The following AP3S1 variants were observed in gnomAD, a reference collection of about 807,000 sequenced individuals.
AP3S1 encodes AP-3 complex subunit sigma-1.
AP3S1 carries 12 observed loss-of-function variants against 21.3 expected under a neutral mutation model. That is an observed-to-expected ratio of 0.56 (90% CI 0.36 to 0.91). AP3S1 has a LOEUF of 0.91. Ranked by LOEUF, AP3S1 falls within the 40% of genes least tolerant of loss-of-function variation. The pLI, the probability that AP3S1 is intolerant of heterozygous loss-of-function variation, is 0.01. For synonymous variants in AP3S1, 48 were observed against 78.4 expected (o/e 0.61, Z 2.05); for missense variants, 116 against 225.0 (o/e 0.52, Z 3.10).
intron 3 of AP3S1, among the ~76,000 whole-genome samples, chr5:115,893,329 T>C (rs562058408): frequency 9.8e-5 from 15 of 152,310 alleles, no homozygotes; most frequent in African/African-American, 3.4e-4. Context: ...TAAGTGGATG[T>C]AGCATATAGA....
intron 3 of AP3S1, among the ~76,000 whole-genome samples, chr5:115,875,072 C>G (rs1748582725): frequency 6.6e-6 from 1 of 152,072 alleles, no homozygotes; most frequent in African/African-American, 2.4e-5. Flanking sequence ...AACATTATCA[C>G]TAAAGCATAT....
chr5:115,867,254 ATTC>A (rs772914714), intron 2 of AP3S1, among the ~76,000 whole-genome samples: 15 of 152,288 alleles, frequency 9.8e-5, no homozygotes, highest in Non-Finnish European at 1.8e-4. Flanking sequence ...GGACAAGCTT[ATTC>A]TTTTTAATGA....
intron 5 of AP3S1, chr5:115,907,158 C>A: frequency 4.0e-6 from 1 of 252,544 alleles, no homozygotes; most frequent in Non-Finnish European, 6.2e-6. Context: ...ATTGCATTTG[C>A]AGAAGTGACA....
chr5:115,865,358 T>C (rs1189114639), intron 1 of AP3S1, among the ~76,000 whole-genome samples: 7 of 152,182 alleles, frequency 4.6e-5, no homozygotes, highest in South Asian at 2.1e-4. Context: ...GAGTGAAAAC[T>C]TATGCATAGA....
intron 1 of AP3S1, among the ~76,000 whole-genome samples, chr5:115,852,497 T>A (rs984697589): frequency 1.3e-5 from 2 of 152,122 alleles, no homozygotes; most frequent in Non-Finnish European, 2.9e-5. Context: ...ATTCACCCAT[T>A]TAAAGTATAT....
intron 3 of AP3S1, among the ~76,000 whole-genome samples, chr5:115,883,343 G>T (rs910258697): frequency 6.6e-6 from 1 of 152,180 alleles, no homozygotes; most frequent in Admixed American, 6.5e-5. Flanking sequence ...ATAGGCACCC[G>T]AGGGAATCTC....
intron 4 of AP3S1, among the ~76,000 whole-genome samples, chr5:115,901,172 C>T (rs1039673437): frequency 3.3e-5 from 5 of 152,002 alleles, no homozygotes; most frequent in East Asian, 1.9e-4. Context: ...TGCAGAACTG[C>T]GAAAATTAAT....
intron 1 of AP3S1, among the ~76,000 whole-genome samples, chr5:115,851,328 A>G (rs987334001): frequency 4.6e-5 from 7 of 152,180 alleles, no homozygotes; most frequent in African/African-American, 1.2e-4. Context: ...TTTACTTTTT[A>G]TAGGTACATA....
chr5:115,843,950 A>G (rs1761860246), intron 1 of AP3S1, among the ~76,000 whole-genome samples: 1 of 152,194 alleles, frequency 6.6e-6, no homozygotes, highest in Non-Finnish European at 1.5e-5. Context: ...ATTTTTGGCC[A>G]TTGTATGAGT....
At chr5:115,869,701 C>G (rs1359336086) in intron 2 of AP3S1, among the ~76,000 whole-genome samples, 1 of 151,438 alleles carries the variant, frequency 6.6e-6, no homozygotes, top group Non-Finnish European at 1.5e-5. Flanking sequence ...ACACTTGCCA[C>G]TATCTGATGA....
In AP3S1 at chr5:115,848,562, G is replaced by T. The variant is rs531501743; in HGVS notation, c.69+6456G>T. On this transcript the variant is annotated intron_variant, in intron 1 of 5. Transcript: ENST00000316788. Reference sequence around the variant, plus strand: ...ACCTGTGTAACCTGAGGTTATCAGTGTCCTTGTCTTTTTCGTTCTGAAAGG... The same window carrying T: ...ACCTGTGTAACCTGAGGTTATCAGTTTCCTTGTCTTTTTCGTTCTGAAAGG... 2.6e-5 allele frequency among the ~76,000 whole-genome samples: 4 copies of T among 152,290 alleles called. No homozygotes were observed. In the East Asian group the frequency reaches 5.8e-4, roughly 22 times the overall value.
intron 4 of AP3S1, 106 bp from the exon 5 acceptor site, chr5:115,902,779 T>G (rs1329601661): frequency 1.3e-6 from 1 of 746,410 alleles, no homozygotes; most frequent in Non-Finnish European, 2.1e-6. Context: ...TTTTTACCAC[T>G]CATACTTTTA....
intron 2 of AP3S1, among the ~76,000 whole-genome samples, chr5:115,867,841 A>G (rs1336854237): frequency 1.3e-5 from 2 of 152,168 alleles, no homozygotes; most frequent in South Asian, 4.1e-4. Context: ...TGCATGTAAG[A>G]ACTTGATTAA....
intron 1 of AP3S1, among the ~76,000 whole-genome samples, chr5:115,845,059 C>G (rs1233195830): frequency 6.6e-6 from 1 of 152,184 alleles, no homozygotes; most frequent in Non-Finnish European, 1.5e-5. Flanking sequence ...CCTTCACTAA[C>G]TAGAGGTTTT....
At chr5:115,869,972 T>C in intron 2 of AP3S1, 45 bp from the exon 3 acceptor site, 1 of 1,231,188 alleles carries the variant, frequency 8.1e-7, no homozygotes, top group Non-Finnish European at 1.1e-6. Context: ...ATGAAAATGA[T>C]TCGCATTTTG....
rs116756285 is a variant in AP3S1, at chr5:115,850,779, G to A, written c.69+8673G>A. ...AGGAAGAGGCTGAAGCACAAAATAG[G>A]ATTCAAAGAGTTTACTTGAGCCAAA... On this transcript the variant is annotated intron_variant, in intron 1 of 5. Coordinates refer to ENST00000316788, the MANE Select transcript of AP3S1 (RefSeq NM_001284.4). Among the ~76,000 whole-genome samples the A allele has an allele frequency of 9.6e-3, 1,460 of 152,272 alleles. 24 individuals carry two copies. Among genetic ancestry groups the A allele is most frequent in the Non-Finnish European group, 0.014 (937 of 68,018 alleles).
In AP3S1 at chr5:115,858,757, C is replaced by G. The variant is rs553074296; in HGVS notation, c.70-7913C>G. Among the ~76,000 whole-genome samples the G allele has an allele frequency of 3.6e-3, 540 of 150,708 alleles. 1 individual carries two copies. Among genetic ancestry groups the G allele is most frequent in the African/African-American group, 0.013 (519 of 41,312 alleles). Reference sequence around the variant, plus strand: ...TCCATATATTTTAAATTCCCATGAGCTTCTTTATTTCTGAATTTCACTCTT... The same window carrying G: ...TCCATATATTTTAAATTCCCATGAGGTTCTTTATTTCTGAATTTCACTCTT... On this transcript the variant is annotated intron_variant, in intron 1 of 5. Coordinates refer to ENST00000316788, the MANE Select transcript of AP3S1 (RefSeq NM_001284.4).
At chr5:115,866,254 C>T (rs191462756) in intron 1 of AP3S1, among the ~76,000 whole-genome samples, 2 of 152,170 alleles carry the variant, frequency 1.3e-5, no homozygotes, top group African/African-American at 4.8e-5. Flanking sequence ...TAATTGGAAG[C>T]TCCATAGTTC....
intron 5 of AP3S1, among the ~76,000 whole-genome samples, chr5:115,906,490 A>T (rs1580747850): frequency 6.6e-6 from 1 of 152,116 alleles, no homozygotes; most frequent in Admixed American, 6.5e-5. Flanking sequence ...GCAAAGATAT[A>T]CTCTGAATGT....
Sources: allele counts gnomAD v4.1 joint callset (sites outside exome capture counted in the v4.1 genomes callset), GRCh38; gene constraint gnomAD v4.1.1; transcripts MANE v1.5; gene names NCBI Gene and HGNC (gene_info 2026-07-23, HGNC 2026-07-21).